The following MYOM2 variants were observed in gnomAD, a reference collection of about 807,000 sequenced individuals.
MYOM2 encodes the protein myomesin 2, also known as myomesin-2.
A neutral mutation model predicts 187.6 loss-of-function variants in MYOM2; 254 were observed. The ratio of observed to expected loss-of-function variants is 1.35; its 90% CI spans 1.22 to 1.50. The LOEUF is 1.50. MYOM2 is among the 40% of genes most tolerant of loss of function. MYOM2 has a pLI of 0.00. For synonymous variants in MYOM2, 981 were observed against 753.8 expected, an observed-to-expected ratio of 1.30 and a Z score of -4.94; for missense variants, 2,796 against 1,924.0, an observed-to-expected ratio of 1.45 and a Z score of -8.48.
intron 9 of MYOM2, among the ~76,000 whole-genome samples, chr8:2,072,743 C>T (rs77870887): frequency 0.01 from 1,562 of 152,284 alleles, 14 homozygotes; most frequent in East Asian, 0.032. Context: ...AGAGACTGAG[C>T]GCTCGTACAG....
intron 8 of MYOM2, among the ~76,000 whole-genome samples, chr8:2,071,638 C>T (rs1190671939): frequency 5.9e-5 from 9 of 152,222 alleles, no homozygotes; most frequent in African/African-American, 1.9e-4. Flanking sequence ...CCTCTGACGA[C>T]ACCGCAAAGT....
intron 13 of MYOM2, among the ~76,000 whole-genome samples, chr8:2,083,816 G>T (rs1392893951): frequency 6.6e-6 from 1 of 152,170 alleles, no homozygotes; most frequent in African/African-American, 2.4e-5. Flanking sequence ...CAGATGTCTT[G>T]CCCCAGCCGG....
chr8:2,057,998 G>GTTTTTT lies in MYOM2; in HGVS notation c.560+251_560+256dup, dbSNP rs572901199. Among the ~76,000 whole-genome samples, 55 of 80,738 alleles carry GTTTTTT rather than the reference G, an allele frequency of 6.8e-4. 6 individuals are homozygous for GTTTTTT. Among genetic ancestry groups the GTTTTTT allele is most frequent in the African/African-American group, 1.9e-3 (40 of 20,874 alleles). 53.0% of individuals were successfully genotyped at this position (80,738 alleles called of 152,430 possible). ...ATTGAGTCAACAAATTTTTCAGAGG[G>GTTTTTT]TTTTTTTTTTTTTTTTTTTTTTTTT... On this transcript the variant is annotated intron_variant, in intron 5 of 36. Coordinates refer to ENST00000262113, the MANE Select transcript of MYOM2 (RefSeq NM_003970.4).
chr8:2,079,802 A>G (rs552100601), intron 13 of MYOM2, among the ~76,000 whole-genome samples, 189 bp downstream of exon 13: 1 of 152,268 alleles, frequency 6.6e-6, no homozygotes, highest in African/African-American at 2.4e-5. Context: ...CAAGCAAGAC[A>G]GAGTGAGAGG....
chr8:2,092,598 A>G (rs1051826267), intron 16 of MYOM2, 78 bp downstream of exon 16: 8 of 1,455,690 alleles, frequency 5.5e-6, no homozygotes, highest in Non-Finnish European at 6.5e-6. Context: ...GCCCTGGCAC[A>G]GGGAGTACCA....
chr8:2,072,770 C>G (rs1819279794), intron 9 of MYOM2, among the ~76,000 whole-genome samples: 1 of 152,232 alleles, frequency 6.6e-6, no homozygotes, highest in Non-Finnish European at 1.5e-5. Flanking sequence ...AAAGAATGAT[C>G]TCGTGCCATT....
chr8:2,049,759 C>T (rs756040194), intron 1 of MYOM2, among the ~76,000 whole-genome samples: 5 of 152,184 alleles, frequency 3.3e-5, no homozygotes, highest in Non-Finnish European at 7.3e-5. Context: ...CGTAACTTTG[C>T]CGTGATGATC....
chr8:2,106,670 A>G (rs1796905276), intron 23 of MYOM2, 73 bp downstream of exon 23: 4 of 1,119,414 alleles, frequency 3.6e-6, no homozygotes, highest in Non-Finnish European at 5.0e-6. Context: ...CAACATAGAA[A>G]AGACTTACTT....
At chr8:2,076,046 G>A in intron 10 of MYOM2, 95 bp from the exon 11 acceptor site, 4 of 1,209,778 alleles carry the variant, frequency 3.3e-6, no homozygotes, top group Non-Finnish European at 4.6e-6. Context: ...CAAATCAAGG[G>A]GATAGAATTG....
chr8:2,139,268 A>T (rs796335751), intron 32 of MYOM2, among the ~76,000 whole-genome samples: 27 of 152,232 alleles, frequency 1.8e-4, no homozygotes, highest in African/African-American at 6.5e-4. Flanking sequence ...CAGCCTCCTG[A>T]GTAGCTGAGA....
At chr8:2,085,059 T>C (rs1819762192) in intron 13 of MYOM2, 9 of 602,724 alleles carry the variant, frequency 1.5e-5, no homozygotes, top group Non-Finnish European at 2.6e-5. Context: ...TATATCTGTA[T>C]TGGAAGCAAA....
chr8:2,078,347 G>T (rs1220975698), intron 11 of MYOM2, among the ~76,000 whole-genome samples: 1 of 152,186 alleles, frequency 6.6e-6, no homozygotes, highest in Non-Finnish European at 1.5e-5. Flanking sequence ...CCTCAGACGG[G>T]CCAAGCCGCA....
intron 6 of MYOM2, among the ~76,000 whole-genome samples, chr8:2,064,537 C>T (rs1327332077): frequency 1.3e-5 from 2 of 152,156 alleles, no homozygotes; most frequent in Non-Finnish European, 2.9e-5. Context: ...ACGTGTTTTG[C>T]AGTCGCTGCG....
At chr8:2,136,544 G>A (rs943745188) in intron 32 of MYOM2, among the ~76,000 whole-genome samples, 3 of 152,120 alleles carry the variant, frequency 2.0e-5, no homozygotes, top group African/African-American at 4.8e-5. Context: ...TGAAGTAGAG[G>A]GTCACTTTTT....
rs1358018742 is a variant in MYOM2, at chr8:2,094,705, A to G, written c.2125+614A>G. On this transcript the variant is annotated intron_variant, in intron 17 of 36. Transcript: ENST00000262113. ...ATTTCTCTTTTCAAAATATGTGCTA[A>G]AATACAGCAACATCCATGACCTTTT... 2.0e-5 allele frequency among the ~76,000 whole-genome samples: 3 copies of G among 152,238 alleles called. No homozygotes were observed. The East Asian group carries it at 5.8e-4, about 29-fold the overall frequency.
At chr8:2,054,967 AC>A (rs1818610360) in intron 3 of MYOM2, among the ~76,000 whole-genome samples, 1 of 127,288 alleles carries the variant, frequency 7.9e-6, no homozygotes, top group Admixed American at 7.6e-5. Flanking sequence ...TACTGGGGGA[AC>A]CAAGTACCTG....
At position 2,052,140 on chromosome 8, in the gene MYOM2, G is replaced by A. The variant is rs139836664; in HGVS notation, c.108-18G>A. Reference sequence around the variant, plus strand: ...GTGCCTGAGCATGCATCTCCTAATCGTGTCCATGTTCCTGAAGGCGAGCTT... The same window carrying A: ...GTGCCTGAGCATGCATCTCCTAATCATGTCCATGTTCCTGAAGGCGAGCTT... On this transcript the variant is annotated intron_variant, in intron 2 of 36. Coordinates refer to ENST00000262113, the MANE Select transcript of MYOM2 (RefSeq NM_003970.4). 2.5e-5 allele frequency: 40 copies of A among 1,612,618 alleles called. No homozygotes were observed. The highest frequency in any genetic ancestry group is 1.1e-4 in the African/African-American group (8 of 74,976).
chr8:2,064,130 G>C (rs961921774), intron 6 of MYOM2, among the ~76,000 whole-genome samples: 1 of 152,194 alleles, frequency 6.6e-6, no homozygotes, highest in Non-Finnish European at 1.5e-5. Context: ...CCGCGAGAGT[G>C]GCCGCCCTTC....
At chr8:2,110,368 C>T (rs1331577308) in intron 25 of MYOM2, among the ~76,000 whole-genome samples, 1 of 152,178 alleles carries the variant, frequency 6.6e-6, no homozygotes, top group Non-Finnish European at 1.5e-5. Flanking sequence ...GGTCCAGACA[C>T]CGCCTCGGTT....
Sources: gnomAD v4.1 joint callset for allele counts (sites outside exome capture counted in the v4.1 genomes callset) on GRCh38, gnomAD v4.1.1 for gene constraint, MANE v1.5 for transcripts, NCBI Gene and HGNC (gene_info 2026-07-23, HGNC 2026-07-21) for gene names.